PRIM2: variants seen among roughly 807,000 people sequenced by gnomAD.
The protein encoded by PRIM2 is DNA primase large subunit.
PRIM2 carries 39 observed loss-of-function variants against 67.3 expected under a neutral mutation model. The ratio of observed to expected loss-of-function variants is 0.58; its 90% CI spans 0.45 to 0.76. PRIM2 has a LOEUF of 0.76. Ranked by LOEUF, PRIM2 falls within the 30% of genes least tolerant of loss-of-function variation. PRIM2 has a pLI of 0.00. For synonymous variants in PRIM2, 143 were observed against 198.7 expected (o/e 0.72, Z 2.36); for missense variants, 398 against 598.7 (o/e 0.66, Z 3.50).
chr6:57,481,953 G>A (rs1773640176), intron 7 of PRIM2, among the ~76,000 whole-genome samples: 1 of 152,184 alleles, frequency 6.6e-6, no homozygotes, highest in African/African-American at 2.4e-5. Flanking sequence ...TAAGAGATAA[G>A]GAGGTTAGGT....
At chr6:57,541,287 C>T (rs1775146103) in intron 10 of PRIM2, among the ~76,000 whole-genome samples, 1 of 152,110 alleles carries the variant, frequency 6.6e-6, no homozygotes, top group African/African-American at 2.4e-5. Context: ...CGGGGTTTCA[C>T]CATTTTGGCT....
intron 13 of PRIM2, among the ~76,000 whole-genome samples, chr6:57,645,472 T>C (rs1276232183): frequency 6.6e-6 from 1 of 151,354 alleles, no homozygotes; most frequent in Non-Finnish European, 1.5e-5. Context: ...AATTGAGGGC[T>C]TGGTGTAGAT....
chr6:57,411,905 AATAT>A (rs1771101469), intron 7 of PRIM2, among the ~76,000 whole-genome samples: 1 of 151,882 alleles, frequency 6.6e-6, no homozygotes, highest in Admixed American at 6.6e-5. Flanking sequence ...TTAATAATGT[AATAT>A]ATAGAGTTGT....
the PRIM2 span, among the ~76,000 whole-genome samples, chr6:57,266,759 C>T: frequency 1.3e-5 from 2 of 152,164 alleles, no homozygotes; most frequent in African/African-American, 2.4e-5. Flanking sequence ...TCTCTACTTG[C>T]TAGTTCAAAG....
chr6:57,533,779 T>C (rs1456602300), intron 9 of PRIM2, among the ~76,000 whole-genome samples: 2 of 152,218 alleles, frequency 1.3e-5, no homozygotes, highest in African/African-American at 4.8e-5. Context: ...GGATATGTAT[T>C]GAGCCCATCA....
At chr6:57,609,813 A>G (rs1384349582) in intron 12 of PRIM2, among the ~76,000 whole-genome samples, 59,318 of 152,034 alleles carry the variant, frequency 0.39, 11,838 homozygotes, top group East Asian at 0.65. Context: ...ACTAGAGTGA[A>G]GCAGCTGGTG....
At chr6:57,265,307 T>C in the PRIM2 span, among the ~76,000 whole-genome samples, 1 of 152,162 alleles carries the variant, frequency 6.6e-6, no homozygotes, top group Non-Finnish European at 1.5e-5. Flanking sequence ...GACTCTTACC[T>C]TTTATTTGGG....
chr6:57,302,135 C>T, the PRIM2 span, among the ~76,000 whole-genome samples: 1 of 152,180 alleles, frequency 6.6e-6, no homozygotes, highest in African/African-American at 2.4e-5. Flanking sequence ...ACTGCCTCAC[C>T]TGTGCCTTTT....
intron 7 of PRIM2, among the ~76,000 whole-genome samples, chr6:57,471,529 A>C (rs1226865388): frequency 6.6e-6 from 1 of 152,190 alleles, no homozygotes; most frequent in Non-Finnish European, 1.5e-5. Flanking sequence ...GTGAGGAAGG[A>C]AGAAAGAAAT....
chr6:57,505,402 A>G (rs1409431623), intron 7 of PRIM2: 12 of 152,196 alleles, frequency 7.9e-5, no homozygotes, highest in African/African-American at 2.9e-4. Flanking sequence ...AACTGGAGCT[A>G]TGGAAAATTT....
chr6:57,233,378 A>G, the PRIM2 span, among the ~76,000 whole-genome samples: 1 of 152,212 alleles, frequency 6.6e-6, no homozygotes, highest in South Asian at 2.1e-4. Flanking sequence ...TCCTGAATAT[A>G]TTTAATCTTT....
chr6:57,595,488 G>A lies in PRIM2; in HGVS notation c.1021-5605G>A, dbSNP rs1235268159. Among the ~76,000 whole-genome samples the A allele has an allele frequency of 9.2e-5, 14 of 151,792 alleles. No individual in the cohort carries two copies. The East Asian group carries it at 2.7e-3, about 30-fold the overall frequency. On this transcript the variant is annotated intron_variant, in intron 10 of 13. Transcript: ENST00000615550. Reference sequence around the variant, plus strand: ...CGTGCAGATCTCTCATGGATTAAGAGCTCAGTCTCACAAGACTGTGCCCTA... The same window carrying A: ...CGTGCAGATCTCTCATGGATTAAGAACTCAGTCTCACAAGACTGTGCCCTA...
chr6:57,454,199 T>C (rs568408664), intron 7 of PRIM2, among the ~76,000 whole-genome samples: 29 of 152,376 alleles, frequency 1.9e-4, no homozygotes, highest in African/African-American at 7.0e-4. Context: ...CAGTATTTTA[T>C]TGAGGATTTT....
At chr6:57,245,610 GA>G in the PRIM2 span, among the ~76,000 whole-genome samples, 2 of 152,120 alleles carry the variant, frequency 1.3e-5, no homozygotes, top group Non-Finnish European at 2.9e-5. Context: ...CCATCTCTTA[GA>G]GCACAACCTA....
chr6:57,387,509 A>G (rs1438665847), intron 7 of PRIM2, among the ~76,000 whole-genome samples: 2 of 151,970 alleles, frequency 1.3e-5, no homozygotes, highest in Non-Finnish European at 2.9e-5. Context: ...AGGTTTTCTG[A>G]TTGTAATTCT....
intron 7 of PRIM2, among the ~76,000 whole-genome samples, chr6:57,447,983 T>C (rs1772419941): frequency 6.6e-6 from 1 of 152,204 alleles, no homozygotes; most frequent in Non-Finnish European, 1.5e-5. Flanking sequence ...GGGTAGTTCA[T>C]TTTGGAGTGT....
intron 7 of PRIM2, among the ~76,000 whole-genome samples, chr6:57,497,140 G>C (rs1301335490): frequency 3.3e-5 from 5 of 152,132 alleles, no homozygotes. Flanking sequence ...AGAGTCAAAC[G>C]TAAATTTTGT....
chr6:57,561,880 C>T (rs1268678144), intron 10 of PRIM2, among the ~76,000 whole-genome samples: 1 of 152,166 alleles, frequency 6.6e-6, no homozygotes, highest in Non-Finnish European at 1.5e-5. Flanking sequence ...ACATGGCTTC[C>T]TCACTAGCCT....
At chr6:57,550,481 G>C (rs1196752495) in intron 10 of PRIM2, among the ~76,000 whole-genome samples, 3 of 151,982 alleles carry the variant, frequency 2.0e-5, no homozygotes, top group African/African-American at 7.3e-5. Context: ...TAAAACAGGT[G>C]TTATTATCCT....
Sources: gnomAD v4.1 joint callset for allele counts (sites outside exome capture counted in the v4.1 genomes callset) on GRCh38, gnomAD v4.1.1 for gene constraint, MANE v1.5 for transcripts, NCBI Gene and HGNC (gene_info 2026-07-23, HGNC 2026-07-21) for gene names.